Variants in DCAF8L2 observed in about 807,000 individuals in gnomAD.
DCAF8L2 encodes the protein DDB1- and CUL4-associated factor 8-like protein 2.
For missense variants in DCAF8L2, 430 were observed against 490.7 expected, an observed-to-expected ratio of 0.88 and a Z score of 1.17; for synonymous variants, 200 against 190.9, an observed-to-expected ratio of 1.05 and a Z score of -0.39.
chrX:27,510,205 A>AT, the DCAF8L2 span, among the ~76,000 whole-genome samples: 14 of 105,750 alleles, frequency 1.3e-4, no homozygotes, highest in East Asian at 8.9e-4. Context: ...CAACTCTTTC[A>AT]TTTTTTTTTT....
At chrX:27,556,046 C>G in the DCAF8L2 span, among the ~76,000 whole-genome samples, 1 of 110,921 alleles carries the variant, frequency 9.0e-6, no homozygotes, top group African/African-American at 3.3e-5. Flanking sequence ...GACAAGTGTA[C>G]TTTTCTGCCA....
At chrX:27,576,059 C>G in the DCAF8L2 span, among the ~76,000 whole-genome samples, 1 of 112,281 alleles carries the variant, frequency 8.9e-6, no homozygotes, top group Non-Finnish European at 1.9e-5. Flanking sequence ...AACAAGTGTT[C>G]TATTGACAAT....
the DCAF8L2 span, among the ~76,000 whole-genome samples, chrX:27,503,968 T>G: frequency 7.1e-5 from 8 of 112,360 alleles, no homozygotes; most frequent in Non-Finnish European, 1.3e-4. Context: ...TGACATTCTC[T>G]TCTTTATTGT....
the DCAF8L2 span, among the ~76,000 whole-genome samples, chrX:27,544,139 T>C: frequency 2.7e-5 from 3 of 111,536 alleles, no homozygotes; most frequent in East Asian, 2.8e-4. Context: ...CCTGTGAAGT[T>C]GCCTCTACAT....
At chrX:27,514,760 T>C in the DCAF8L2 span, among the ~76,000 whole-genome samples, 1 of 106,640 alleles carries the variant, frequency 9.4e-6, no homozygotes, top group Admixed American at 1.0e-4. Flanking sequence ...TGGAGGACAT[T>C]ACGTGAAGTG....
At chrX:27,560,674 T>G in the DCAF8L2 span, among the ~76,000 whole-genome samples, 1 of 112,448 alleles carries the variant, frequency 8.9e-6, no homozygotes, top group Admixed American at 9.4e-5. Flanking sequence ...TAATTCACGA[T>G]CAGTAGTTCT....
At chrX:27,729,851 A>G (rs1396674351) in intron 4 of DCAF8L2, among the ~76,000 whole-genome samples, 1 of 111,748 alleles carries the variant, frequency 8.9e-6, no homozygotes, top group African/African-American at 3.3e-5. Flanking sequence ...TCCTAAACCA[A>G]TTTTGATGCT....
At chrX:27,535,202 T>C in the DCAF8L2 span, among the ~76,000 whole-genome samples, 3 of 111,952 alleles carry the variant, frequency 2.7e-5, no homozygotes, top group East Asian at 8.4e-4. Context: ...CATAATTATA[T>C]GTATTTATGC....
At chrX:27,501,388 A>T in the DCAF8L2 span, among the ~76,000 whole-genome samples, 3,799 of 110,285 alleles carry the variant, frequency 0.034, 89 homozygotes, top group African/African-American at 0.086. Flanking sequence ...TAACACATAC[A>T]TGAGCTCAAA....
chrX:27,710,749 T>C (rs1931496720), intron 3 of DCAF8L2, among the ~76,000 whole-genome samples: 1 of 112,518 alleles, frequency 8.9e-6, no homozygotes, highest in Admixed American at 9.4e-5. Context: ...CCTTCCTTCA[T>C]TGCTATGGCT....
the DCAF8L2 span, among the ~76,000 whole-genome samples, chrX:27,500,952 T>G: frequency 9.0e-6 from 1 of 111,517 alleles, no homozygotes; most frequent in Admixed American, 9.6e-5. Flanking sequence ...AACGACGGCT[T>G]TCCACCTTCA....
intron 4 of DCAF8L2, among the ~76,000 whole-genome samples, chrX:27,743,944 G>C (rs1260837297): frequency 9.2e-6 from 1 of 108,945 alleles, no homozygotes; most frequent in Non-Finnish European, 1.9e-5. Flanking sequence ...TGTTGGCCAG[G>C]CTGGTCTCAA....
the DCAF8L2 span, among the ~76,000 whole-genome samples, chrX:27,534,975 T>C: frequency 8.9e-6 from 1 of 112,041 alleles, no homozygotes; most frequent in South Asian, 3.7e-4. Context: ...CCTATACTTA[T>C]TGATTACATC....
At chrX:27,640,546 T>C (rs1928674124) in intron 2 of DCAF8L2, among the ~76,000 whole-genome samples, 1 of 112,581 alleles carries the variant, frequency 8.9e-6, no homozygotes, top group Non-Finnish European at 1.9e-5. Flanking sequence ...CACTTATGAA[T>C]ACAGCTGCTA....
the DCAF8L2 span, among the ~76,000 whole-genome samples, chrX:27,558,165 T>G: frequency 9.0e-6 from 1 of 111,420 alleles, no homozygotes; most frequent in Non-Finnish European, 1.9e-5. Flanking sequence ...AACTGCCTCT[T>G]TACAGTCACA....
chrX:27,490,676 G>A, the DCAF8L2 span, among the ~76,000 whole-genome samples: 15 of 110,691 alleles, frequency 1.4e-4, 1 homozygote, highest in Admixed American at 1.3e-3. Context: ...TAGCCAGTCT[G>A]GTCTCGAAAT....
intron 3 of DCAF8L2, among the ~76,000 whole-genome samples, chrX:27,695,375 A>G (rs771440741): frequency 6.1e-4 from 69 of 112,261 alleles, no homozygotes; most frequent in Non-Finnish European, 7.5e-4. Flanking sequence ...CAAGTTTAAA[A>G]TTAAACCAGG....
the DCAF8L2 span, among the ~76,000 whole-genome samples, chrX:27,503,580 CA>C: frequency 2.0e-3 from 209 of 105,804 alleles, 1 homozygote; most frequent in African/African-American, 6.1e-3. Context: ...TTCACTTTTG[CA>C]AAAAAAAAAT....
At chrX:27,727,159 TC>T (rs1005952589) in intron 4 of DCAF8L2, among the ~76,000 whole-genome samples, 2 of 111,946 alleles carry the variant, frequency 1.8e-5, no homozygotes, top group African/African-American at 6.5e-5. Flanking sequence ...TGAGCATCTT[TC>T]CATAGGATCA....
Sources: gnomAD v4.1 joint callset for allele counts (sites outside exome capture counted in the v4.1 genomes callset) on GRCh38, gnomAD v4.1.1 for gene constraint, MANE v1.5 for transcripts, NCBI Gene and HGNC (gene_info 2026-07-23, HGNC 2026-07-21) for gene names.